Variants in C1GALT1 observed in about 807,000 individuals in gnomAD.
The protein encoded by C1GALT1 is core 1 synthase, glycoprotein-N-acetylgalactosamine 3-beta-galactosyltransferase 1.
A neutral mutation model predicts 31.0 loss-of-function variants in C1GALT1; 11 were observed. The ratio of observed to expected loss-of-function variants is 0.36; its 90% CI spans 0.22 to 0.59. C1GALT1 has a LOEUF of 0.59. Among genes scored for constraint, C1GALT1 ranks in the 20% least tolerant of loss-of-function variants. The pLI, the probability that C1GALT1 is intolerant of heterozygous loss-of-function variation, is 0.79. For synonymous variants in C1GALT1, 175 were observed against 143.6 expected (o/e 1.22, Z -1.56); for missense variants, 424 against 425.2 (o/e 1.00, Z 0.03).
In C1GALT1 at chr7:7,238,643, G is replaced by T; in HGVS notation, c.609G>T (p.Lys203Asn). 6.2e-7 allele frequency: 1 copy of T among 1,614,084 alleles called. No individual in the cohort carries two copies. Among genetic ancestry groups the T allele is most frequent in the Non-Finnish European group, 8.5e-7 (1 of 1,179,966 alleles). ...GGAGAAGATTTAAGCCTTATGTAAA[G>T]CAGGGCTACATGAGTGGAGGAGCAG... ...YFGRRFKPYV[K>N]QGYMSGGAGY... is the part of the protein sequence containing the mutation. Residue 203 changes from lysine to asparagine, a missense_variant, in exon 3 of 4, where the codon AAG becomes AAT. Lys to Asn is a moderately conservative substitution (Grantham distance 94, BLOSUM62 0). Transcript: ENST00000436587. The surrounding 1 kb of genome is among the most constrained non-coding windows in gnomAD (Gnocchi z 5.2).
chr7:7,172,785 T>C (rs1137682), intron 2 of C1GALT1, among the ~76,000 whole-genome samples: 1 of 152,240 alleles, frequency 6.6e-6, no homozygotes, highest in African/African-American at 2.4e-5. Flanking sequence ...CATTTGTTAC[T>C]ATCAATGAAC....
At chr7:7,204,105 T>TTG (rs1554292223) in intron 1 of C1GALT1, among the ~76,000 whole-genome samples, 3 of 149,976 alleles carry the variant, frequency 2.0e-5, no homozygotes, top group East Asian at 2.0e-4. Flanking sequence ...CTGTTTTTTT[T>TTG]TTTTTGTTTT....
intron 2 of C1GALT1, among the ~76,000 whole-genome samples, chr7:7,168,143 T>A (rs1009881764): frequency 3.9e-5 from 6 of 152,132 alleles, no homozygotes; most frequent in African/African-American, 1.4e-4. Flanking sequence ...GCAGCAGTTG[T>A]AGAGGGTGGT....
chr7:7,225,091 T>C (rs1156919093), intron 1 of C1GALT1, among the ~76,000 whole-genome samples: 1 of 152,158 alleles, frequency 6.6e-6, no homozygotes, highest in Admixed American at 6.5e-5. Context: ...CTTAAAATAA[T>C]GCCTGTTTTA....
Position 7,226,374 on chromosome 7 carries a change from A to G in C1GALT1, c.-17-7929A>G, listed in dbSNP as rs1017634121. Among the ~76,000 whole-genome samples the G allele has an allele frequency of 6.4e-3, 713 of 111,456 alleles. 7 individuals are homozygous for G. The highest frequency in any genetic ancestry group is 0.027 in the African/African-American group (686 of 25,280). 73.1% of individuals were successfully genotyped at this position (111,456 alleles called of 152,430 possible). A position where few individuals can be genotyped will look rare whatever the true frequency, so the allele number is the denominator to read the frequency against. On this transcript the variant is annotated intron_variant, in intron 1 of 3. Transcript: ENST00000436587. ...GTATAAAGTGTTAAAATTTAAAAAA[A>G]AAAATAACTAGAATTTCAGGGCTTT...
chr7:7,181,596 A>C (rs1343827358), upstream of C1GALT1, among the ~76,000 whole-genome samples: 2 of 152,176 alleles, frequency 1.3e-5, no homozygotes, highest in African/African-American at 4.8e-5. Flanking sequence ...ACAATAACTA[A>C]TGTATATTAT....
chr7:7,208,961 A>G (rs184262392), intron 1 of C1GALT1, among the ~76,000 whole-genome samples: 1 of 152,340 alleles, frequency 6.6e-6, no homozygotes, highest in East Asian at 1.9e-4. Context: ...AGAGCTTCAT[A>G]ATAGTTGTAT....
intron 1 of C1GALT1, among the ~76,000 whole-genome samples, chr7:7,211,469 C>G (rs534342352): frequency 2.2e-4 from 34 of 152,298 alleles, no homozygotes; most frequent in African/African-American, 7.0e-4. Flanking sequence ...TTGTCAGTAA[C>G]TATTATTCCT....
At chr7:7,185,748 T>C (rs952853730) in intron 1 of C1GALT1, among the ~76,000 whole-genome samples, 1 of 152,224 alleles carries the variant, frequency 6.6e-6, no homozygotes, top group Non-Finnish European at 1.5e-5. Flanking sequence ...TGAAATAAGG[T>C]CACGTGCAGA....
intron 2 of C1GALT1, 23 bp downstream of exon 2, chr7:7,234,562 G>A (rs1007637771): frequency 2.6e-6 from 4 of 1,548,010 alleles, no homozygotes; most frequent in Non-Finnish European, 3.6e-6. Flanking sequence ...TTATTAAGCA[G>A]TAAACATAAG....
At chr7:7,216,611 C>CGTA (rs3062388) in intron 1 of C1GALT1, among the ~76,000 whole-genome samples, 23,882 of 149,918 alleles carry the variant, frequency 0.16, 2,122 homozygotes, top group East Asian at 0.36. Context: ...AAGCACTTAC[C>CGTA]CTTGAAAGAA....
chr7:7,182,997 C>G (rs1780652604), intron 1 of C1GALT1, among the ~76,000 whole-genome samples, 177 bp downstream of exon 1: 1 of 152,074 alleles, frequency 6.6e-6, no homozygotes, highest in African/African-American at 2.4e-5. Context: ...GAGGAAGGCG[C>G]GAGGACTTCC....
At position 7,238,784 on chromosome 7, in the gene C1GALT1, G is replaced by A; in HGVS notation, c.750G>A (p.Met250Ile). The A allele has an allele frequency of 1.2e-6, 2 of 1,613,752 alleles. No homozygotes were observed. The highest frequency in any genetic ancestry group is 1.7e-6 in the Non-Finnish European group (2 of 1,179,930). The change falls in exon 3 of 4, where the codon ATG becomes ATA. Residue 250 changes from methionine (M) to isoleucine (I), a missense_variant. By Grantham distance (10) the Met-to-Ile change is conservative (BLOSUM62 1). Around this residue, in one of 3 missense-constraint regions of C1GALT1, gnomAD observed 191 missense variants for 188.8 expected, o/e 1.01. Transcript: ENST00000436587. This position sits in a 1 kb window ranked among gnomAD's most constrained non-coding sequence, Gnocchi z 5.2. Reference protein sequence around the residue: ...DLALGRCMEIMNVEAGDSRDT... With the variant: ...DLALGRCMEIINVEAGDSRDT... ...CACTGGGGAGATGCATGGAAATTAT[G>A]AATGTAGAAGCAGGAGATTCCAGAG...
chr7:7,206,493 G>C (rs891485055), intron 1 of C1GALT1, among the ~76,000 whole-genome samples: 1 of 151,892 alleles, frequency 6.6e-6, no homozygotes, highest in African/African-American at 2.4e-5. Context: ...GACCAACATG[G>C]AGAAACCCTG....
chr7:7,214,579 C>T (rs774594175), intron 1 of C1GALT1, among the ~76,000 whole-genome samples: 5 of 152,114 alleles, frequency 3.3e-5, no homozygotes, highest in Non-Finnish European at 7.3e-5. Flanking sequence ...TTCGAACTTT[C>T]GAAAGTAACC....
chr7:7,225,586 A>C (rs1282265573), intron 1 of C1GALT1, among the ~76,000 whole-genome samples: 3 of 152,228 alleles, frequency 2.0e-5, no homozygotes, highest in Non-Finnish European at 4.4e-5. Context: ...AAGCATATGG[A>C]AAACACTGTA....
chr7:7,170,088 G>A (rs914404708), intron 2 of C1GALT1, among the ~76,000 whole-genome samples: 6 of 152,124 alleles, frequency 3.9e-5, no homozygotes, highest in Admixed American at 1.3e-4. Context: ...TAGTTAATTT[G>A]TGTGTTTATC....
rs1430778241 is a variant in C1GALT1, at chr7:7,244,324, C to T, written c.*597C>T. The T allele has an allele frequency of 6.6e-6, 1 of 152,080 alleles. No homozygotes were observed. The highest frequency in any genetic ancestry group is 1.9e-4 in the East Asian group (1 of 5,196). 9.4% of individuals were successfully genotyped at this position (152,080 alleles called of 1,614,324 possible). ...TAAGACTGGCACTTACCCTGAAGTG[C>T]ATTAATAAAACCACACTTTAAAATT... is the stretch of plus-strand genomic sequence containing the variant. On this transcript the variant is annotated 3_prime_UTR_variant, in exon 4 of 4. Transcript: ENST00000436587.
chr7:7,206,846 G>A (rs985570251), intron 1 of C1GALT1, among the ~76,000 whole-genome samples: 3 of 152,080 alleles, frequency 2.0e-5, no homozygotes, highest in Admixed American at 6.5e-5. Flanking sequence ...TTTTATTGAG[G>A]ACTGCTTATG....
Sources: allele counts gnomAD v4.1 joint callset (sites outside exome capture counted in the v4.1 genomes callset), GRCh38; gene constraint gnomAD v4.1.1; regional missense constraint gnomAD v4.1.1; non-coding constraint Gnocchi (gnomAD v3.1); transcripts MANE v1.5; gene names NCBI Gene and HGNC (gene_info 2026-07-23, HGNC 2026-07-21).